Variants in ARHGAP21 observed in about 807,000 individuals in gnomAD.
ARHGAP21 encodes rho GTPase-activating protein 21.
ARHGAP21 carries 38 observed loss-of-function variants against 164.6 expected under a neutral mutation model. The ratio of observed to expected loss-of-function variants is 0.23; its 90% CI spans 0.18 to 0.30. ARHGAP21 has a LOEUF of 0.30. ARHGAP21 is among the 10% of genes least tolerant of loss of function. The pLI is 1.00. For missense variants in ARHGAP21, 1,822 were observed against 2,370.7 expected, an observed-to-expected ratio of 0.77 and a Z score of 4.81; for synonymous variants, 766 against 857.9, an observed-to-expected ratio of 0.89 and a Z score of 1.87.
chr10:24,636,415 T>G (rs900482970), intron 4 of ARHGAP21, among the ~76,000 whole-genome samples: 1 of 152,216 alleles, frequency 6.6e-6, no homozygotes, highest in East Asian at 1.9e-4. Context: ...GTGATTGTGA[T>G]GCACACTTAA....
intron 2 of ARHGAP21, chr10:24,706,571 A>G (rs1844244904): frequency 6.5e-6 from 1 of 152,682 alleles, no homozygotes; most frequent in Non-Finnish European, 1.5e-5. Flanking sequence ...TTGATCATGC[A>G]GTCTAAAATC....
chr10:24,596,653 TTGTCTGA>T (rs770188946), intron 17 of ARHGAP21, 80 bp downstream of exon 17: 1 of 1,556,546 alleles, frequency 6.4e-7, no homozygotes, highest in East Asian at 2.3e-5. Context: ...ACAGTCTCTG[TTGTCTGA>T]AAGGCTATAT....
chr10:24,632,359 A>T lies in ARHGAP21; in HGVS notation c.440+1043T>A, dbSNP rs145196421. On this transcript the variant is annotated intron_variant, in intron 6 of 25. Coordinates refer to ENST00000396432, the MANE Select transcript of ARHGAP21 (RefSeq NM_020824.4). ...ATTTATGATGATCTAAATTATTTTG[A>T]GGAAAAAAATTCTGGCAAATCTGTT... 7.0e-3 allele frequency among the ~76,000 whole-genome samples: 1,065 copies of T among 152,314 alleles called. 11 individuals carry two copies. The highest frequency in any genetic ancestry group is 0.024 in the African/African-American group (1,001 of 41,576).
At chr10:24,654,675 G>T (rs1467480469) in intron 4 of ARHGAP21, among the ~76,000 whole-genome samples, 1 of 152,166 alleles carries the variant, frequency 6.6e-6, no homozygotes, top group African/African-American at 2.4e-5. Flanking sequence ...AATCAATATT[G>T]TGAAAATGGC....
Position 24,600,599 on chromosome 10 carries a change from G to C in ARHGAP21, c.3132+47C>G, listed in dbSNP as rs773953318. On this transcript the variant is annotated intron_variant, in intron 14 of 25. Transcript: ENST00000396432. ...ATATTCCTTAGATCTTTGTAAGAAAGTGTTGTGAAAGGGTCAGATTTCTCC... is the reference window on the plus strand; with the variant it reads ...ATATTCCTTAGATCTTTGTAAGAAACTGTTGTGAAAGGGTCAGATTTCTCC... 2.5e-6 allele frequency: 4 copies of C among 1,571,410 alleles called. No homozygotes were observed. The African/African-American group carries it at 4.1e-5, about 16-fold the overall frequency.
At chr10:24,610,432 T>C (rs975486925) in intron 9 of ARHGAP21, among the ~76,000 whole-genome samples, 1 of 151,500 alleles carries the variant, frequency 6.6e-6, no homozygotes, top group Non-Finnish European at 1.5e-5. Flanking sequence ...GAGCTCTTTA[T>C]AATAAAAAGA....
At chr10:24,648,017 T>G (rs1426484899) in intron 4 of ARHGAP21, among the ~76,000 whole-genome samples, 1 of 152,130 alleles carries the variant, frequency 6.6e-6, no homozygotes, top group African/African-American at 2.4e-5. Context: ...TTTTCTATTT[T>G]TAGTAGAGAC....
chr10:24,674,860 A>G (rs145747978), intron 2 of ARHGAP21, among the ~76,000 whole-genome samples: 1 of 152,238 alleles, frequency 6.6e-6, no homozygotes, highest in Non-Finnish European at 1.5e-5. Context: ...TCAAAATTCA[A>G]TAATGGAAAT....
chr10:24,651,142 C>G (rs1277034399), intron 4 of ARHGAP21, among the ~76,000 whole-genome samples: 1 of 152,110 alleles, frequency 6.6e-6, no homozygotes, highest in Non-Finnish European at 1.5e-5. Flanking sequence ...AAGAACTTGC[C>G]GAGGGGAAGA....
chr10:24,642,670 G>C (rs539770646), intron 4 of ARHGAP21, among the ~76,000 whole-genome samples: 1 of 152,164 alleles, frequency 6.6e-6, no homozygotes, highest in South Asian at 2.1e-4. Flanking sequence ...ATAAAAAGCA[G>C]TATGTCATGA....
chr10:24,587,132 G>C (rs964668637), intron 25 of ARHGAP21, among the ~76,000 whole-genome samples: 1 of 152,134 alleles, frequency 6.6e-6, no homozygotes, highest in Non-Finnish European at 1.5e-5. Flanking sequence ...AAAGTTATTT[G>C]CTATGTATAA....
intron 14 of ARHGAP21, among the ~76,000 whole-genome samples, chr10:24,600,302 T>C (rs530570976): frequency 2.0e-4 from 30 of 152,278 alleles, no homozygotes; most frequent in Middle Eastern, 3.4e-3. Context: ...GGTAAGTATT[T>C]TTACTGTAAC....
intron 2 of ARHGAP21, among the ~76,000 whole-genome samples, chr10:24,702,935 T>C (rs1392895974): frequency 1.3e-5 from 2 of 152,198 alleles, no homozygotes; most frequent in African/African-American, 2.4e-5. Context: ...AGCAGAACAC[T>C]GGAAGCAATT....
Position 24,722,045 on chromosome 10 carries a change from G to A in ARHGAP21, c.-146C>T. On this transcript the variant is annotated 5_prime_UTR_variant, in exon 2 of 26. Transcript: ENST00000396432. Reference sequence around the variant, plus strand: ...CTGTTGAAACAGACAACGTGCCAGGGAATAAAGGTTTTCAGGAAGCGCCTT... The same window carrying A: ...CTGTTGAAACAGACAACGTGCCAGGAAATAAAGGTTTTCAGGAAGCGCCTT... 1.2e-6 allele frequency: 1 copy of A among 812,142 alleles called. No homozygotes were observed. Among genetic ancestry groups the A allele is most frequent in the South Asian group, 1.6e-5 (1 of 64,200 alleles). 50.3% of individuals were successfully genotyped at this position (812,142 alleles called of 1,614,324 possible). A position where few individuals can be genotyped will look rare whatever the true frequency, so the allele number is the denominator to read the frequency against.
At chr10:24,679,780 C>G (rs1478969671) in intron 2 of ARHGAP21, among the ~76,000 whole-genome samples, 1 of 152,156 alleles carries the variant, frequency 6.6e-6, no homozygotes, top group Admixed American at 6.6e-5. Context: ...ACAAAAGAGT[C>G]TTTTAAGATT....
At chr10:24,680,908 A>G (rs1023592229) in intron 2 of ARHGAP21, among the ~76,000 whole-genome samples, 10 of 152,228 alleles carry the variant, frequency 6.6e-5, no homozygotes, top group African/African-American at 2.4e-4. Flanking sequence ...AGTGACTGGA[A>G]TAATAGCAGT....
Position 24,723,685 on chromosome 10 carries a change from GCCGCCGCCGCCGCCGCGCT to G in ARHGAP21, c.-523_-505del, listed in dbSNP as rs1846151239. On this transcript the variant is annotated 5_prime_UTR_variant, in exon 1 of 26. Transcript: ENST00000396432. ...CGATCCCGCGCTGCCCGCCGCCGCC[GCCGCCGCCGCCGCCGCGCT>G]CCGAGGCCGCCGCCCCCGGCCGGCC... The G allele has an allele frequency of 6.7e-6, 1 of 148,464 alleles. No individual in the cohort carries two copies. Among genetic ancestry groups the G allele is most frequent in the African/African-American group, 2.5e-5 (1 of 40,598 alleles). 9.2% of individuals were successfully genotyped at this position (148,464 alleles called of 1,614,324 possible). A position where few individuals can be genotyped will look rare whatever the true frequency, so the allele number is the denominator to read the frequency against.
intron 9 of ARHGAP21, among the ~76,000 whole-genome samples, chr10:24,608,702 T>C (rs886714765): frequency 1.3e-5 from 2 of 152,192 alleles, no homozygotes; most frequent in Non-Finnish European, 2.9e-5. Context: ...TACAAAAATA[T>C]AACATTTCCA....
At chr10:24,660,378 C>A (rs1300267682) in intron 4 of ARHGAP21, among the ~76,000 whole-genome samples, 1 of 94,126 alleles carries the variant, frequency 1.1e-5, no homozygotes, top group Admixed American at 1.2e-4. Context: ...GCAACACCCT[C>A]TCTCTCTTAA....
Sources: gnomAD v4.1 joint callset for allele counts (sites outside exome capture counted in the v4.1 genomes callset) on GRCh38, gnomAD v4.1.1 for gene constraint, MANE v1.5 for transcripts, NCBI Gene and HGNC (gene_info 2026-07-23, HGNC 2026-07-21) for gene names.